TTC12: variants seen among roughly 807,000 people sequenced by gnomAD.
TTC12 encodes tetratricopeptide repeat protein 12.
A neutral mutation model predicts 90.1 loss-of-function variants in TTC12; 70 were observed. The ratio of observed to expected loss-of-function variants is 0.78; its 90% CI spans 0.64 to 0.95. The LOEUF (loss-of-function observed/expected upper bound fraction) is 0.95. Ranked by LOEUF, TTC12 falls within the 40% of genes least tolerant of loss-of-function variation. The pLI, the probability that TTC12 is intolerant of heterozygous loss-of-function variation, is 0.00. For missense variants in TTC12, 819 were observed against 846.1 expected (o/e 0.97, Z 0.40); for synonymous variants, 296 against 311.5 (o/e 0.95, Z 0.53).
chr11:113,345,768 G>A (rs1459524192), intron 13 of TTC12, among the ~76,000 whole-genome samples: 2 of 152,068 alleles, frequency 1.3e-5, no homozygotes, highest in South Asian at 4.1e-4. Flanking sequence ...TACCTTCATC[G>A]TATTTTTTTA....
rs1555149613 is a variant in TTC12 at position 113,350,164 on chromosome 11, A to G, written c.1246A>G (p.Arg416Gly). 6 of 1,605,478 alleles carry G rather than the reference A, an allele frequency of 3.7e-6. No individual in the cohort carries two copies. The Admixed American group carries it at 1.0e-4, about 27-fold the overall frequency. ...GLFTDLALEE[R>G]FQVWFQANLP... ...GTTCACAGACTTGGCTCTGGAAGAAAGGTAATTTTTTTATTTATAGAAATT... is the reference window on the plus strand; with the variant it reads ...GTTCACAGACTTGGCTCTGGAAGAAGGGTAATTTTTTTATTTATAGAAATT... The change falls in exon 14 of 22, where the codon AGA becomes GGA. Residue 416 changes from arginine (R) to glycine (G), a missense_variant and splice_region_variant. Arg to Gly is a moderately radical substitution (Grantham distance 125). Coordinates refer to ENST00000529221, the MANE Select transcript of TTC12 (RefSeq NM_017868.4).
chr11:113,338,565 T>G (rs892822466), intron 8 of TTC12, among the ~76,000 whole-genome samples: 2 of 152,280 alleles, frequency 1.3e-5, no homozygotes, highest in East Asian at 3.9e-4. Context: ...TAAAACTAAT[T>G]TTGAAATAAT....
At chr11:113,371,664 G>GTAGGGAC (rs1950389340) in intron 21 of TTC12, 2 of 152,202 alleles carry the variant, frequency 1.3e-5, no homozygotes, top group South Asian at 4.1e-4. Flanking sequence ...CCAGAGTGGG[G>GTAGGGAC]TAGGGACTCC....
intron 20 of TTC12, 135 bp from the exon 21 acceptor site, chr11:113,364,700 T>C: frequency 1.5e-6 from 1 of 684,440 alleles, no homozygotes; most frequent in Non-Finnish European, 2.6e-6. Context: ...GATGAGTAAG[T>C]GAACAAGTTC....
chr11:113,331,291 T>C (rs1439539672), intron 7 of TTC12, among the ~76,000 whole-genome samples: 1 of 152,162 alleles, frequency 6.6e-6, no homozygotes, highest in African/African-American at 2.4e-5. Context: ...TGCTTGATAA[T>C]GGTTTATTTT....
In TTC12 at chr11:113,352,055, TC is replaced by T; in HGVS notation, c.1309-14del. On this transcript the variant is annotated splice_polypyrimidine_tract_variant and intron_variant, in intron 15 of 21. Transcript: ENST00000529221. ...CTGCTCTCTGAGGCTCTGCCTTCTCTCAATTCTCATTTAGAAGACAGATCCC... is the reference window on the plus strand; with the variant it reads ...CTGCTCTCTGAGGCTCTGCCTTCTCTAATTCTCATTTAGAAGACAGATCCC... The T allele has an allele frequency of 6.2e-7, 1 of 1,612,492 alleles. No individual in the cohort carries two copies. Among genetic ancestry groups the T allele is most frequent in the Non-Finnish European group, 8.5e-7 (1 of 1,179,432 alleles).
downstream of TTC12, chr11:113,368,421 C>A (rs1209781860): frequency 6.5e-7 from 1 of 1,550,222 alleles, no homozygotes; most frequent in Non-Finnish European, 8.7e-7. Flanking sequence ...TCTCCACTTG[C>A]CAGGAGCCCC....
At chr11:113,317,819 A>T (rs935743536) in intron 2 of TTC12, among the ~76,000 whole-genome samples, 1 of 152,060 alleles carries the variant, frequency 6.6e-6, no homozygotes, top group Non-Finnish European at 1.5e-5. Context: ...TAACCTGGCT[A>T]ACTTATGCAT....
intron 6 of TTC12, 64 bp from the exon 7 acceptor site, chr11:113,329,856 G>T (rs1046571474): frequency 3.8e-6 from 5 of 1,330,002 alleles, no homozygotes; most frequent in African/African-American, 2.9e-5. Flanking sequence ...TGTTCTTTCT[G>T]TGTGAACTGA....
intron 1 of TTC12, among the ~76,000 whole-genome samples, chr11:113,315,668 A>T (rs1340653585): frequency 6.6e-6 from 1 of 152,200 alleles, no homozygotes. Context: ...GTAAAATAAT[A>T]TCTGAGGTAC....
downstream of TTC12, among the ~76,000 whole-genome samples, chr11:113,367,041 C>G (rs942607251): frequency 6.6e-6 from 1 of 152,218 alleles, no homozygotes; most frequent in African/African-American, 2.4e-5. Context: ...CCTAACCCAC[C>G]TTGTACTCTC....
chr11:113,328,598 T>C (rs1301040033), intron 6 of TTC12, among the ~76,000 whole-genome samples: 1 of 152,208 alleles, frequency 6.6e-6, no homozygotes, highest in East Asian at 1.9e-4. Flanking sequence ...AAGCAGAGCT[T>C]TATTATCTTT....
chr11:113,359,909 A>G, intron 17 of TTC12, 31 bp from the exon 18 acceptor site: 1 of 1,551,112 alleles, frequency 6.4e-7, no homozygotes. Flanking sequence ...GAAAATTAAA[A>G]TCTCCTGCTG....
downstream of TTC12, among the ~76,000 whole-genome samples, chr11:113,367,071 C>T (rs183402233): frequency 1.2e-4 from 19 of 152,362 alleles, no homozygotes; most frequent in Admixed American, 3.3e-4. Context: ...CCAGAGGCAA[C>T]GCTCCCTTCC....
intron 6 of TTC12, among the ~76,000 whole-genome samples, chr11:113,329,009 C>G (rs761268027): frequency 4.6e-5 from 7 of 152,138 alleles, no homozygotes; most frequent in Non-Finnish European, 1.0e-4. Context: ...TGTGGATATA[C>G]CATATTTTAT....
At chr11:113,330,042 C>T (rs1555142274) in intron 7 of TTC12, 63 bp downstream of exon 7, 1 of 1,319,112 alleles carries the variant, frequency 7.6e-7, no homozygotes, top group Non-Finnish European at 1.1e-6. Context: ...AGGCAGCTGC[C>T]AGTGTATCAA....
intron 18 of TTC12, 51 bp downstream of exon 18, chr11:113,360,059 GT>G: frequency 1.7e-6 from 2 of 1,158,624 alleles, no homozygotes; most frequent in South Asian, 1.4e-5. Flanking sequence ...TTCTTGTTTT[GT>G]TTTGTTTTGT....
chr11:113,339,092 A>G (rs1948539308), intron 9 of TTC12, among the ~76,000 whole-genome samples, 194 bp from the exon 10 acceptor site: 1 of 152,148 alleles, frequency 6.6e-6, no homozygotes, highest in Non-Finnish European at 1.5e-5. Context: ...TGAATCCCCA[A>G]CAAGGTTTAA....
At chr11:113,316,165 T>G in intron 1 of TTC12, 78 bp from the exon 2 acceptor site, 1 of 607,324 alleles carries the variant, frequency 1.6e-6, no homozygotes, top group Non-Finnish European at 2.6e-6. Context: ...GGCTCTTAGT[T>G]TTAGAAGGCT....
Sources: gnomAD v4.1 joint callset for allele counts (sites outside exome capture counted in the v4.1 genomes callset) on GRCh38, gnomAD v4.1.1 for gene constraint, MANE v1.5 for transcripts, NCBI Gene and HGNC (gene_info 2026-07-23, HGNC 2026-07-21) for gene names.